DPYD: variants seen among roughly 807,000 people sequenced by gnomAD.
DPYD encodes the protein dihydropyrimidine dehydrogenase [NADP(+)].
DPYD carries 109 observed loss-of-function variants against 116.2 expected under a neutral mutation model. The ratio of observed to expected loss-of-function variants is 0.94; its 90% confidence interval spans 0.80 to 1.10. The LOEUF (loss-of-function observed/expected upper bound fraction) is 1.10, where lower values mean the gene tolerates loss of function less well. Ranked by LOEUF, DPYD falls within the 50% of genes least tolerant of loss-of-function variation. The probability of loss-of-function intolerance (pLI) is 0.00; values close to 1 mark genes in which losing one functional copy is unlikely to be tolerated. For missense variants in DPYD, 1,302 were observed against 1,254.5 expected, an observed-to-expected ratio of 1.04 and a Z score of -0.57; for synonymous variants, 440 against 432.0, an observed-to-expected ratio of 1.02 and a Z score of -0.23.
chr1:97,482,739 T>G (rs1048952375), intron 13 of DPYD, among the ~76,000 whole-genome samples: 1 of 152,154 alleles, frequency 6.6e-6, no homozygotes. Flanking sequence ...GTTACTTTTG[T>G]ACAGAGAAAG....
intron 18 of DPYD, among the ~76,000 whole-genome samples, chr1:97,247,864 T>A (rs554723097): frequency 6.6e-6 from 1 of 152,146 alleles, no homozygotes; most frequent in Non-Finnish European, 1.5e-5. Flanking sequence ...GTTGAATTCA[T>A]AATAAAAAAC....
intron 10 of DPYD, among the ~76,000 whole-genome samples, chr1:97,591,086 T>G (rs986213496): frequency 6.6e-6 from 1 of 152,210 alleles, no homozygotes; most frequent in Non-Finnish European, 1.5e-5. Flanking sequence ...CAATAAAGGG[T>G]GAAGGCATTT....
intron 12 of DPYD, among the ~76,000 whole-genome samples, chr1:97,528,721 T>G (rs1570905746): frequency 6.6e-6 from 1 of 152,254 alleles, no homozygotes; most frequent in East Asian, 1.9e-4. Flanking sequence ...CAAATCCCAT[T>G]TCTATTCTAC....
intron 20 of DPYD, among the ~76,000 whole-genome samples, chr1:97,154,672 C>G (rs1266279280): frequency 1.3e-5 from 2 of 148,306 alleles, no homozygotes; most frequent in African/African-American, 5.0e-5. Context: ...GATTGCGCCA[C>G]TGCCCTCCTG....
At chr1:97,279,603 G>A (rs973385313) in intron 18 of DPYD, among the ~76,000 whole-genome samples, 3 of 152,042 alleles carry the variant, frequency 2.0e-5, no homozygotes, top group East Asian at 1.9e-4. Context: ...CTCCGCCTCC[G>A]GAGTTCGAGC....
At chr1:97,470,921 C>T (rs1041019098) in intron 13 of DPYD, among the ~76,000 whole-genome samples, 5 of 151,872 alleles carry the variant, frequency 3.3e-5, no homozygotes, top group African/African-American at 4.8e-5. Context: ...ACCCAGGAGG[C>T]GGAGATTGTA....
chr1:97,546,055 G>C, intron 12 of DPYD: 1 of 1,396,916 alleles, frequency 7.2e-7, no homozygotes, highest in Admixed American at 1.7e-5. Flanking sequence ...GATGAAGACA[G>C]CAACAACATC....
chr1:97,691,206 T>C (rs1032087851), intron 7 of DPYD: 1 of 153,412 alleles, frequency 6.5e-6, no homozygotes, highest in Non-Finnish European at 1.5e-5. Flanking sequence ...TAACACAATA[T>C]TTATTTAACA....
At chr1:97,286,319 G>A (rs1050107459) in intron 18 of DPYD, among the ~76,000 whole-genome samples, 1 of 152,148 alleles carries the variant, frequency 6.6e-6, no homozygotes, top group Non-Finnish European at 1.5e-5. Flanking sequence ...CCCTTTGTGG[G>A]TATCCCGACC....
intron 7 of DPYD, among the ~76,000 whole-genome samples, chr1:97,684,176 T>A (rs1172583512): frequency 1.3e-5 from 2 of 152,184 alleles, no homozygotes; most frequent in African/African-American, 4.8e-5. Flanking sequence ...CATTTAGCGC[T>A]GTAAATTTCC....
chr1:97,873,506 G>C (rs927658970), intron 2 of DPYD, among the ~76,000 whole-genome samples: 1 of 151,838 alleles, frequency 6.6e-6, no homozygotes, highest in Non-Finnish European at 1.5e-5. Context: ...CTGTTTCAGG[G>C]TATACTTTGT....
chr1:97,413,105 T>C (rs1455129841), intron 14 of DPYD, among the ~76,000 whole-genome samples: 2 of 152,222 alleles, frequency 1.3e-5, no homozygotes, highest in Non-Finnish European at 2.9e-5. Context: ...TGGCCCCATA[T>C]TTGGAACAAA....
chr1:97,888,110 T>C (rs918180508), intron 1 of DPYD, among the ~76,000 whole-genome samples: 1 of 152,052 alleles, frequency 6.6e-6, no homozygotes, highest in Non-Finnish European at 1.5e-5. Context: ...GAAAGTATGA[T>C]GACAATGTCT....
In DPYD at chr1:97,318,871, A is replaced by G. The variant is rs1668042924; in HGVS notation, c.2059-12574T>C. Among the ~76,000 whole-genome samples, 3 of 150,070 alleles carry G rather than the reference A, an allele frequency of 2.0e-5. No individual in the cohort carries two copies. In the South Asian group the frequency reaches 6.5e-4, roughly 32 times the overall value. ...GCAAATGTAAAAGAACAGAAATTAT[A>G]ACAAACTATCTCTCAGACAACAGTG... On this transcript the variant is annotated intron_variant, in intron 16 of 22. Transcript: ENST00000370192.
chr1:97,432,919 C>G (rs1675262427), intron 14 of DPYD, among the ~76,000 whole-genome samples: 1 of 152,132 alleles, frequency 6.6e-6, no homozygotes, highest in Non-Finnish European at 1.5e-5. Flanking sequence ...ACTCTAGAAT[C>G]TCTTTACTTA....
chr1:97,680,964 T>C lies in DPYD; in HGVS notation c.763-1782A>G, dbSNP rs751964034. Among the ~76,000 whole-genome samples the C allele has an allele frequency of 6.6e-5, 10 of 152,078 alleles. No individual in the cohort carries two copies. In the South Asian group the frequency reaches 8.3e-4, roughly 13 times the overall value. On this transcript the variant is annotated intron_variant, in intron 7 of 22. Transcript: ENST00000370192. ...GTTTCTTTGTGTTCTGAAGGCAAAA[T>C]GTTCCTAAAAACAAAGCCCTTAAGC...
chr1:97,117,250 T>C (rs1652047834), intron 20 of DPYD, among the ~76,000 whole-genome samples: 1 of 152,198 alleles, frequency 6.6e-6, no homozygotes, highest in African/African-American at 2.4e-5. Context: ...ATAAAATCTT[T>C]ATTGATTGAT....
At chr1:97,780,938 C>T (rs76593957) in intron 3 of DPYD, among the ~76,000 whole-genome samples, 7,926 of 152,122 alleles carry the variant, frequency 0.052, 278 homozygotes, top group South Asian at 0.11. Context: ...AAAATATGAA[C>T]GTATCTTTAA....
At chr1:97,858,344 C>T (rs1345299161) in intron 2 of DPYD, among the ~76,000 whole-genome samples, 1 of 135,598 alleles carries the variant, frequency 7.4e-6, no homozygotes, top group Non-Finnish European at 1.7e-5. Context: ...TCCAGAAACA[C>T]AACAAGTGTC....
Sources: allele counts gnomAD v4.1 joint callset (sites outside exome capture counted in the v4.1 genomes callset), GRCh38; gene constraint gnomAD v4.1.1; transcripts MANE v1.5; gene names NCBI Gene and HGNC (gene_info 2026-07-23, HGNC 2026-07-21).